PCDH15: variants seen among roughly 807,000 people sequenced by gnomAD.
PCDH15 encodes protocadherin-15.
PCDH15 carries 129 observed loss-of-function variants against 178.5 expected under a neutral mutation model. That is an observed-to-expected ratio of 0.72 (90% confidence interval 0.63 to 0.84). The LOEUF is 0.84. Ranked by LOEUF, PCDH15 falls within the 40% of genes least tolerant of loss-of-function variation. The pLI is 0.00. For missense variants in PCDH15, 2,230 were observed against 2,099.9 expected, an observed-to-expected ratio of 1.06 and a Z score of -1.21; for synonymous variants, 800 against 732.0, an observed-to-expected ratio of 1.09 and a Z score of -1.50.
At chr10:55,373,604 C>T (rs369135722) in intron 2 of PCDH15, among the ~76,000 whole-genome samples, 1 of 151,928 alleles carries the variant, frequency 6.6e-6, no homozygotes, top group Admixed American at 6.6e-5. Context: ...AAACATGAGG[C>T]CACCATGTTA....
In PCDH15 at chr10:53,821,912, G is replaced by A; in HGVS notation, c.4368-1682C>T. ...GTTTTTCAGTTCCCTCGACAATATTGTTCAAACTCCCCTTGTTTTGTTCAG... is the reference window on the plus strand; with the variant it reads ...GTTTTTCAGTTCCCTCGACAATATTATTCAAACTCCCCTTGTTTTGTTCAG... On this transcript the variant is annotated intron_variant, in intron 32 of 37. Coordinates refer to ENST00000644397, the MANE Select transcript of PCDH15 (RefSeq NM_001384140.1). 6.2e-7 allele frequency: 1 copy of A among 1,613,670 alleles called. No individual in the cohort carries two copies. Among genetic ancestry groups the A allele is most frequent in the Non-Finnish European group, 8.5e-7 (1 of 1,179,708 alleles).
At chr10:54,605,061 T>C (rs918821425) in intron 2 of PCDH15, among the ~76,000 whole-genome samples, 2 of 152,012 alleles carry the variant, frequency 1.3e-5, no homozygotes, top group South Asian at 4.1e-4. Flanking sequence ...CATTATAGAT[T>C]ATTGATATCA....
chr10:54,403,527 C>T (rs1401677886), intron 3 of PCDH15, among the ~76,000 whole-genome samples: 1 of 151,808 alleles, frequency 6.6e-6, no homozygotes, highest in African/African-American at 2.4e-5. Flanking sequence ...CCTTGAAAAC[C>T]GGCACAGGAC....
chr10:54,191,804 C>T (rs1456038334), intron 11 of PCDH15, among the ~76,000 whole-genome samples: 1 of 150,744 alleles, frequency 6.6e-6, no homozygotes, highest in African/African-American at 2.4e-5. Context: ...GCCTGTAATC[C>T]CAGCTACTTA....
chr10:54,307,075 T>C (rs867237398), intron 8 of PCDH15, among the ~76,000 whole-genome samples: 30 of 9,604 alleles, frequency 3.1e-3, no homozygotes, highest in South Asian at 7.7e-3. Flanking sequence ...TATATATATA[T>C]ATATACATAT....
intron 2 of PCDH15, among the ~76,000 whole-genome samples, chr10:55,374,422 A>G (rs763957794): frequency 6.6e-6 from 1 of 152,072 alleles, no homozygotes; most frequent in African/African-American, 2.4e-5. Context: ...TGCTTGACTG[A>G]ATTATGTTTT....
At chr10:55,501,916 C>CAAAA (rs1482840281) in intron 2 of PCDH15, among the ~76,000 whole-genome samples, 1 of 151,588 alleles carries the variant, frequency 6.6e-6, no homozygotes, top group Non-Finnish European at 1.5e-5. Flanking sequence ...AAAAAACAAT[C>CAAAA]TTTTAACAAG....
chr10:55,456,586 G>C (rs1839559550), intron 2 of PCDH15, among the ~76,000 whole-genome samples: 1 of 151,944 alleles, frequency 6.6e-6, no homozygotes. Flanking sequence ...TAGGTGGGAA[G>C]AAAACCTTAT....
rs1554941878 is a variant in PCDH15, at chr10:54,380,731, T to TAC, written c.158-1790_158-1789insGT. 2.1e-4 allele frequency among the ~76,000 whole-genome samples: 11 copies of TAC among 52,004 alleles called. No individual in the cohort carries two copies. In the South Asian group the frequency reaches 2.5e-3, roughly 12 times the overall value. The allele number at this position is 52,004 out of a possible 152,430, so 34.1% of individuals were successfully genotyped here. A position where few individuals can be genotyped will look rare whatever the true frequency, so the allele number is the denominator to read the frequency against. On this transcript the variant is annotated intron_variant, in intron 3 of 37. Transcript: ENST00000644397. ...ATATATATATATATATATATATATA[T>TAC]ATATATATATATATATGCTCCAAGC...
chr10:54,198,774 TACAGGCGTGAG>T (rs2049944351), intron 10 of PCDH15, among the ~76,000 whole-genome samples: 1 of 151,574 alleles, frequency 6.6e-6, no homozygotes, highest in African/African-American at 2.4e-5. Context: ...GTGCTGGGAT[TACAGGCGTGAG>T]CCAATAACCA....
chr10:55,093,981 T>C (rs1842382245), intron 2 of PCDH15, among the ~76,000 whole-genome samples: 1 of 152,140 alleles, frequency 6.6e-6, no homozygotes, highest in Non-Finnish European at 1.5e-5. Flanking sequence ...GAAGACAGTG[T>C]GGAGATTCCT....
chr10:54,229,425 T>C (rs1054482471), intron 9 of PCDH15, among the ~76,000 whole-genome samples: 2 of 152,230 alleles, frequency 1.3e-5, no homozygotes, highest in African/African-American at 2.4e-5. Context: ...ATAAAAGTTA[T>C]GTATTCATTA....
chr10:55,237,577 A>G (rs1255773828), intron 1 of PCDH15, among the ~76,000 whole-genome samples: 1 of 152,104 alleles, frequency 6.6e-6, no homozygotes, highest in Non-Finnish European at 1.5e-5. Flanking sequence ...TTTCCTTCTT[A>G]GTGCAAAGAG....
intron 2 of PCDH15, among the ~76,000 whole-genome samples, chr10:54,966,609 C>A (rs577140096): frequency 6.6e-6 from 1 of 152,194 alleles, no homozygotes; most frequent in Admixed American, 6.5e-5. Flanking sequence ...TCCCATAATT[C>A]CCACTTGTTG....
intron 2 of PCDH15, among the ~76,000 whole-genome samples, chr10:55,059,070 G>T (rs1841370914): frequency 6.6e-6 from 1 of 152,130 alleles, no homozygotes; most frequent in African/African-American, 2.4e-5. Context: ...ACTGCTTTCT[G>T]TGACTACTGC....
rs1290520835 is a variant in PCDH15 at position 54,329,722 on chromosome 10, A to G, written c.595-16T>C. The G allele has an allele frequency of 7.0e-7, 1 of 1,423,356 alleles. No homozygotes were observed. Among genetic ancestry groups the G allele is most frequent in the Non-Finnish European group, 9.9e-7 (1 of 1,006,600 alleles). 88.2% of individuals were successfully genotyped at this position (1,423,356 alleles called of 1,614,324 possible). ...CATTGGATGTCTGCAAATATTAAAG[A>G]TACAGACTTCAGATTATTTGAATGT... On this transcript the variant is annotated splice_polypyrimidine_tract_variant and intron_variant, in intron 6 of 37. Coordinates refer to ENST00000644397, the MANE Select transcript of PCDH15 (RefSeq NM_001384140.1).
At chr10:54,919,824 T>C (rs956370618) in intron 2 of PCDH15, among the ~76,000 whole-genome samples, 1 of 152,064 alleles carries the variant, frequency 6.6e-6, no homozygotes, top group African/African-American at 2.4e-5. Flanking sequence ...CCAAGCAACA[T>C]TGCAAATCTT....
intron 2 of PCDH15, among the ~76,000 whole-genome samples, chr10:54,544,813 T>C (rs1040495817): frequency 6.6e-5 from 10 of 152,216 alleles, no homozygotes; most frequent in African/African-American, 2.4e-4. Context: ...AAAATTTCTG[T>C]TACATTAACA....
At chr10:54,207,515 T>C (rs755227590) in intron 10 of PCDH15, among the ~76,000 whole-genome samples, 6 of 152,022 alleles carry the variant, frequency 3.9e-5, no homozygotes, top group Admixed American at 6.6e-5. Context: ...AAAGGTAAAG[T>C]TTTTAGACTG....
Sources: gnomAD v4.1 joint callset for allele counts (sites outside exome capture counted in the v4.1 genomes callset) on GRCh38, gnomAD v4.1.1 for gene constraint, MANE v1.5 for transcripts, NCBI Gene and HGNC (gene_info 2026-07-23, HGNC 2026-07-21) for gene names.